The following DRD2 variants were observed in gnomAD, a reference collection of about 807,000 sequenced individuals.
DRD2 encodes dopamine receptor D2, also known as D(2) dopamine receptor.
Under a neutral mutation model 38.0 loss-of-function variants are expected in DRD2, and 8 were observed. That is an observed-to-expected ratio of 0.21 (90% confidence interval 0.12 to 0.38). The LOEUF (loss-of-function observed/expected upper bound fraction) is 0.38. Among genes scored for constraint, DRD2 ranks in the 10% least tolerant of loss-of-function variants. DRD2 has a pLI of 1.00. For missense variants in DRD2, 403 were observed against 607.7 expected (o/e 0.66, Z 3.54); for synonymous variants, 230 against 238.6 (o/e 0.96, Z 0.33).
chr11:113,452,469 T>TGTGC (rs1210531875), intron 1 of DRD2, among the ~76,000 whole-genome samples: 1,976 of 118,670 alleles, frequency 0.017, 19 homozygotes, highest in East Asian at 0.033. Flanking sequence ...TGTGTGTGTG[T>TGTGC]GCGCGCGCGC....
In DRD2 at chr11:113,418,041, G is replaced by A. The variant is rs1591276529; in HGVS notation, c.381C>T (p.Ala127=). The change falls in exon 3 of 8, where the codon GCC becomes GCT. Residue 127 remains alanine (A), a synonymous_variant. Transcript: ENST00000362072. The part of the protein sequence containing the change: ...MCTASILNLC[A]ISIDRYTAVA... ...GCTGGGCTCACCTGTCGATGCTGAT[G>A]GCACACAAGTTCAGGATGCTCGCCG... is the stretch of plus-strand genomic sequence containing the variant. The A allele has an allele frequency of 1.2e-6, 2 of 1,614,122 alleles. No homozygotes were observed. The highest frequency in any genetic ancestry group is 1.7e-6 in the Non-Finnish European group (2 of 1,180,000).
chr11:113,439,222 A>C (rs1020050372), intron 1 of DRD2, among the ~76,000 whole-genome samples: 1 of 152,154 alleles, frequency 6.6e-6, no homozygotes, highest in Non-Finnish European at 1.5e-5. Flanking sequence ...GTTTGTCTTA[A>C]ACCTATGTGT....
rs780064307 is a variant in DRD2, at chr11:113,468,539, T to TTTTG, written c.-32+6533_-32+6536dup. ...AGCATTGATCAGGGTTTTTTTTGTT[T>TTTTG]TTTGTTTGTTTGTTTGTTTGTTTTT... On this transcript the variant is annotated intron_variant, in intron 1 of 7. Transcript: ENST00000362072. 3.5e-4 allele frequency among the ~76,000 whole-genome samples: 53 copies of TTTTG among 152,116 alleles called. No individual in the cohort carries two copies. In the East Asian group the frequency reaches 5.0e-3, roughly 14 times the overall value.
At position 113,461,540 on chromosome 11, in the gene DRD2, A is replaced by AT. The variant is rs905588416; in HGVS notation, c.-32+13535dup. The stretch of plus-strand genomic sequence containing the variant: ...TACTATTACCTGGTGGAGATGAGGG[A>AT]TCCCCCAAGGCAGACTGGAGTATAT... On this transcript the variant is annotated intron_variant, in intron 1 of 7. Transcript: ENST00000362072. 3.3e-4 allele frequency among the ~76,000 whole-genome samples: 50 copies of AT among 152,264 alleles called. 1 individual carries two copies. Among genetic ancestry groups the AT allele is most frequent in the South Asian group, 6.2e-4 (3 of 4,822 alleles).
chr11:113,415,245 T>C, intron 5 of DRD2, 176 bp downstream of exon 5: 2 of 611,726 alleles, frequency 3.3e-6, no homozygotes, highest in Admixed American at 7.0e-5. Context: ...GAGACTCAGA[T>C]TGCTCCACTG....
chr11:113,426,875 G>A (rs913177724), intron 1 of DRD2, among the ~76,000 whole-genome samples: 1 of 152,216 alleles, frequency 6.6e-6, no homozygotes, highest in South Asian at 2.1e-4. Flanking sequence ...CACAGCGGGA[G>A]GCCTGCATGT....
At chr11:113,440,985 A>C (rs1259291213) in intron 1 of DRD2, among the ~76,000 whole-genome samples, 1 of 152,206 alleles carries the variant, frequency 6.6e-6, no homozygotes, top group African/African-American at 2.4e-5. Context: ...TGATGCACTA[A>C]GTGAAGATGA....
chr11:113,466,606 T>C (rs1951372369), intron 1 of DRD2, among the ~76,000 whole-genome samples: 1 of 152,136 alleles, frequency 6.6e-6, no homozygotes, highest in Admixed American at 6.5e-5. Flanking sequence ...GCATGAAGTA[T>C]GTTGCTGACC....
intron 1 of DRD2, among the ~76,000 whole-genome samples, chr11:113,468,894 C>T (rs1951395418): frequency 6.6e-6 from 1 of 152,204 alleles, no homozygotes; most frequent in Admixed American, 6.5e-5. Flanking sequence ...ACTCCTGTGT[C>T]TGTCCAGGAT....
At chr11:113,447,340 C>T (rs368466566) in intron 1 of DRD2, among the ~76,000 whole-genome samples, 148 of 152,160 alleles carry the variant, frequency 9.7e-4, no homozygotes, top group African/African-American at 2.5e-3. Context: ...GGAGCTCTCT[C>T]GGGCTTTTAA....
At position 113,419,042 on chromosome 11, in the gene DRD2, C is replaced by T. The variant is rs376842868; in HGVS notation, c.286-906G>A. Among the ~76,000 whole-genome samples the T allele has an allele frequency of 4.1e-3, 631 of 152,292 alleles. 6 individuals carry two copies. Among genetic ancestry groups the T allele is most frequent in the South Asian group, 0.028 (135 of 4,830 alleles). On this transcript the variant is annotated intron_variant, in intron 2 of 7. Transcript: ENST00000362072. ...ATTCCAGGTAAAATTTTAGAATGCC[C>T]GTGAGGAAACTGAGAACCAATGAGG...
At chr11:113,458,648 T>G (rs1951289173) in intron 1 of DRD2, among the ~76,000 whole-genome samples, 1 of 152,210 alleles carries the variant, frequency 6.6e-6, no homozygotes, top group African/African-American at 2.4e-5. Context: ...TTGATTATTG[T>G]GTGTGTGTGC....
intron 1 of DRD2, among the ~76,000 whole-genome samples, chr11:113,441,262 T>C (rs768536310): frequency 1.3e-5 from 2 of 152,322 alleles, no homozygotes; most frequent in South Asian, 4.1e-4. Context: ...AAATGGAGGC[T>C]GGCAATGGCA....
chr11:113,427,296 A>G (rs555459039), intron 1 of DRD2, among the ~76,000 whole-genome samples: 50 of 152,182 alleles, frequency 3.3e-4, no homozygotes, highest in African/African-American at 1.1e-3. Context: ...TCCAGTCCCT[A>G]TGCATCCTTC....
At chr11:113,457,680 G>T (rs1475417797) in intron 1 of DRD2, among the ~76,000 whole-genome samples, 3 of 152,116 alleles carry the variant, frequency 2.0e-5, no homozygotes, top group South Asian at 2.1e-4. Context: ...TCCACCTTCT[G>T]CGAGAGCTGC....
intron 1 of DRD2, among the ~76,000 whole-genome samples, chr11:113,462,550 G>A (rs1951333172): frequency 1.3e-5 from 2 of 152,210 alleles, no homozygotes; most frequent in South Asian, 4.1e-4. Flanking sequence ...GAGCCATGGG[G>A]AGCTGGAAGA....
At position 113,410,302 on chromosome 11, in the gene DRD2, T is replaced by G; in HGVS notation, c.*425A>C. On this transcript the variant is annotated 3_prime_UTR_variant, in exon 8 of 8. Transcript: ENST00000362072. ...TGCCTCCTGTGGGCCTTGCAGGGTG[T>G]GAACTGTCCATCTCTCCCCACCGCC... 2.9e-6 allele frequency: 1 copy of G among 342,216 alleles called. No individual in the cohort carries two copies. The highest frequency in any genetic ancestry group is 5.6e-6 in the Non-Finnish European group (1 of 179,116). The allele number at this position is 342,216 out of a possible 1,614,324, so 21.2% of individuals were successfully genotyped here.
intron 1 of DRD2, among the ~76,000 whole-genome samples, chr11:113,446,274 G>A (rs575999511): frequency 6.6e-6 from 1 of 152,186 alleles, no homozygotes; most frequent in East Asian, 1.9e-4. Flanking sequence ...AAACTCCTTA[G>A]AGTCACGTCT....
At chr11:113,465,942 C>T (rs955475715) in intron 1 of DRD2, among the ~76,000 whole-genome samples, 1 of 152,202 alleles carries the variant, frequency 6.6e-6, no homozygotes, top group Admixed American at 6.5e-5. Context: ...TACCATGCAT[C>T]AGGTACTGAG....
Sources: gnomAD v4.1 joint callset for allele counts (sites outside exome capture counted in the v4.1 genomes callset) on GRCh38, gnomAD v4.1.1 for gene constraint, MANE v1.5 for transcripts, NCBI Gene and HGNC (gene_info 2026-07-23, HGNC 2026-07-21) for gene names.